Variants in SLC22A16 observed in about 807,000 individuals in gnomAD.
The protein encoded by SLC22A16 is WUGSC:RG331P03.1.
Under a neutral mutation model 52.9 loss-of-function variants are expected in SLC22A16, and 53 were observed. The ratio of observed to expected loss-of-function variants is 1.00; its 90% CI spans 0.80 to 1.26. The LOEUF (loss-of-function observed/expected upper bound fraction) is 1.26. Ranked by LOEUF, SLC22A16 falls within the 50% of genes most tolerant of loss-of-function variation. The pLI is 0.00. For missense variants in SLC22A16, 726 were observed against 704.0 expected, an observed-to-expected ratio of 1.03 and a Z score of -0.35; for synonymous variants, 291 against 268.8, an observed-to-expected ratio of 1.08 and a Z score of -0.81.
At chr6:110,426,067 C>T (rs1320438781) in intron 7 of SLC22A16, among the ~76,000 whole-genome samples, 1 of 152,160 alleles carries the variant, frequency 6.6e-6, no homozygotes, top group Non-Finnish European at 1.5e-5. Flanking sequence ...ACAGACGAGA[C>T]CTGGGAAGGC....
intron 2 of SLC22A16, among the ~76,000 whole-genome samples, chr6:110,450,989 C>T (rs1389005441): frequency 6.6e-6 from 1 of 152,150 alleles, no homozygotes; most frequent in African/African-American, 2.4e-5. Context: ...CTAAACAATA[C>T]AGGTTACTGC....
intron 2 of SLC22A16, among the ~76,000 whole-genome samples, chr6:110,453,460 T>C (rs1005425729): frequency 3.9e-5 from 6 of 152,328 alleles, no homozygotes; most frequent in Admixed American, 6.5e-5. Context: ...TGTTAATCTG[T>C]ACTGTTTAAG....
intron 3 of SLC22A16, 75 bp downstream of exon 3, chr6:110,446,798 T>C: frequency 7.5e-7 from 1 of 1,332,760 alleles, no homozygotes; most frequent in Non-Finnish European, 1.0e-6. Flanking sequence ...AGATCTTAAA[T>C]GAGCAAAATG....
intron 1 of SLC22A16, among the ~76,000 whole-genome samples, chr6:110,473,691 A>G (rs1229302623): frequency 7.2e-6 from 1 of 137,936 alleles, no homozygotes; most frequent in Non-Finnish European, 1.6e-5. Context: ...TGCCAGGCTC[A>G]TTTTTTTGTA....
At chr6:110,425,871 A>C (rs1774239303) in intron 7 of SLC22A16, among the ~76,000 whole-genome samples, 1 of 152,234 alleles carries the variant, frequency 6.6e-6, no homozygotes, top group Non-Finnish European at 1.5e-5. Context: ...ATCCGTAAAA[A>C]CACAATCTGT....
At chr6:110,441,015 A>G (rs957211934) in intron 4 of SLC22A16, among the ~76,000 whole-genome samples, 1 of 152,226 alleles carries the variant, frequency 6.6e-6, no homozygotes, top group African/African-American at 2.4e-5. Context: ...CTTGGGTGGA[A>G]GAATGGTGAA....
At chr6:110,465,219 C>A (rs1417339256) in intron 1 of SLC22A16, among the ~76,000 whole-genome samples, 1 of 151,962 alleles carries the variant, frequency 6.6e-6, no homozygotes, top group East Asian at 1.9e-4. Flanking sequence ...AAAATGCATT[C>A]CTCTTCAGAA....
chr6:110,450,010 T>C (rs1775312444), intron 2 of SLC22A16, among the ~76,000 whole-genome samples: 1 of 152,176 alleles, frequency 6.6e-6, no homozygotes, highest in Non-Finnish European at 1.5e-5. Flanking sequence ...TCCTTTCCCT[T>C]GGGGGCCTTC....
chr6:110,457,015 A>T lies in SLC22A16; in HGVS notation c.56T>A (p.Phe19Tyr). Residue 19 changes from phenylalanine (F) to tyrosine (Y), a missense_variant and splice_region_variant, in exon 2 of 8, where the codon TTC becomes TAC. Coordinates refer to ENST00000368919, the MANE Select transcript of SLC22A16 (RefSeq NM_033125.4). ...IYDHVGHFGRFQRVLYFICAF... is the reference protein window; with the variant it reads ...IYDHVGHFGRYQRVLYFICAF... ...ACATATGAAATAGAGGACTCTCTGG[A>T]ATCTGCAAGAGAAGAAAAGCTAATT... is the stretch of plus-strand genomic sequence containing the variant. 1 of 1,522,628 alleles carries T rather than the reference A, an allele frequency of 6.6e-7. No individual in the cohort carries two copies. Among genetic ancestry groups the T allele is most frequent in the Non-Finnish European group, 8.8e-7 (1 of 1,138,042 alleles). 94.3% of individuals were successfully genotyped at this position (1,522,628 alleles called of 1,614,324 possible).
chr6:110,431,273 G>A lies in SLC22A16; in HGVS notation c.1422-3C>T. 6.2e-7 allele frequency: 1 copy of A among 1,610,876 alleles called. No individual in the cohort carries two copies. The highest frequency in any genetic ancestry group is 1.7e-4 in the Middle Eastern group (1 of 6,054). On this transcript the variant is annotated splice_region_variant and splice_polypyrimidine_tract_variant and intron_variant, in intron 6 of 7. Coordinates refer to ENST00000368919, the MANE Select transcript of SLC22A16 (RefSeq NM_033125.4). Reference sequence around the variant, plus strand: ...TGCCGCTTCCCACAGCCAGCGATCTGGAAACAGAGGAGAGAGGCTGAGACA... The same window carrying A: ...TGCCGCTTCCCACAGCCAGCGATCTAGAAACAGAGGAGAGAGGCTGAGACA...
intron 2 of SLC22A16, among the ~76,000 whole-genome samples, chr6:110,447,197 G>A (rs1371451778): frequency 2.0e-5 from 3 of 152,146 alleles, no homozygotes; most frequent in African/African-American, 7.2e-5. Context: ...CTTTACCTGA[G>A]TTGCTAATAT....
chr6:110,473,075 T>C (rs1467083382), intron 1 of SLC22A16, among the ~76,000 whole-genome samples: 1 of 152,136 alleles, frequency 6.6e-6, no homozygotes, highest in Non-Finnish European at 1.5e-5. Flanking sequence ...AGTTTCCTCA[T>C]CTAAACTATG....
chr6:110,444,104 T>C (rs2114944318), intron 3 of SLC22A16, among the ~76,000 whole-genome samples: 1 of 152,288 alleles, frequency 6.6e-6, no homozygotes, highest in East Asian at 1.9e-4. Flanking sequence ...TTAAAAATGG[T>C]TAGGATGGTA....
In SLC22A16 at chr6:110,442,117, TGTTCCTG is replaced by T. The variant is rs1774990075; in HGVS notation, c.1183+120_1183+126del. ...ATCATAATAATATGGTTGGCAGTAT[TGTTCCTG>T]GTTTTAAAGGGCCTATTAAAAACAT... On this transcript the variant is annotated intron_variant, in intron 4 of 7. Coordinates refer to ENST00000368919, the MANE Select transcript of SLC22A16 (RefSeq NM_033125.4). 4.8e-6 allele frequency: 4 copies of T among 830,088 alleles called. No homozygotes were observed. The Admixed American group carries it at 1.1e-4, about 24-fold the overall frequency. 51.4% of individuals were successfully genotyped at this position (830,088 alleles called of 1,614,324 possible). A position where few individuals can be genotyped will look rare whatever the true frequency, so the allele number is the denominator to read the frequency against.
chr6:110,459,825 C>A (rs1775803278), intron 1 of SLC22A16, among the ~76,000 whole-genome samples: 1 of 152,088 alleles, frequency 6.6e-6, no homozygotes, highest in African/African-American at 2.4e-5. Context: ...AAAATAGAGT[C>A]TCCAAATTTA....
At chr6:110,467,102 C>T (rs1229431139) in intron 1 of SLC22A16, among the ~76,000 whole-genome samples, 1 of 152,160 alleles carries the variant, frequency 6.6e-6, no homozygotes, top group Non-Finnish European at 1.5e-5. Flanking sequence ...AAGTTTTACC[C>T]TTGCAGACTT....
At chr6:110,433,894 T>C (rs1774607141) in intron 6 of SLC22A16, among the ~76,000 whole-genome samples, 1 of 152,138 alleles carries the variant, frequency 6.6e-6, no homozygotes. Context: ...AGTGTGACCC[T>C]AATCACTATT....
At position 110,458,024 on chromosome 6, in the gene SLC22A16, C is replaced by T. The variant is rs552642514; in HGVS notation, c.54-1007G>A. The stretch of plus-strand genomic sequence containing the variant: ...CTGTGATGCTGTGCTTCAGTGGTCA[C>T]GCTCCTGGTCTGCTTTCATGTTCCA... On this transcript the variant is annotated intron_variant, in intron 1 of 7. Coordinates refer to ENST00000368919, the MANE Select transcript of SLC22A16 (RefSeq NM_033125.4). Among the ~76,000 whole-genome samples, 7 of 152,314 alleles carry T rather than the reference C, an allele frequency of 4.6e-5. No individual in the cohort carries two copies. The East Asian group carries it at 5.8e-4, about 13-fold the overall frequency.
At chr6:110,476,100 G>T (rs945591268) in intron 1 of SLC22A16, 2 of 434,844 alleles carry the variant, frequency 4.6e-6, no homozygotes, top group Non-Finnish European at 9.1e-6. Context: ...CCCTACGGAG[G>T]CGCAGGGCAG....
Sources: gnomAD v4.1 joint callset for allele counts (sites outside exome capture counted in the v4.1 genomes callset) on GRCh38, gnomAD v4.1.1 for gene constraint, MANE v1.5 for transcripts, NCBI Gene and HGNC (gene_info 2026-07-23, HGNC 2026-07-21) for gene names.